Variants in CPQ observed in about 807,000 individuals in gnomAD.
The protein encoded by CPQ is Ser-Met dipeptidase.
Under a neutral mutation model 45.7 loss-of-function variants are expected in CPQ, and 37 were observed. The ratio of observed to expected loss-of-function variants is 0.81; its 90% confidence interval spans 0.62 to 1.07. The LOEUF (loss-of-function observed/expected upper bound fraction) is 1.07. Among genes scored for constraint, CPQ ranks in the 50% least tolerant of loss-of-function variants. The pLI is 0.00. For missense variants in CPQ, 537 were observed against 572.9 expected, an observed-to-expected ratio of 0.94 and a Z score of 0.64; for synonymous variants, 186 against 205.8, an observed-to-expected ratio of 0.90 and a Z score of 0.82.
chr8:96,795,975 T>C (rs192493559), intron 2 of CPQ, among the ~76,000 whole-genome samples: 130 of 152,158 alleles, frequency 8.5e-4, no homozygotes, highest in South Asian at 2.5e-3. Flanking sequence ...ACACAATAGA[T>C]ATGTAAACAT....
chr8:96,953,255 C>G (rs1813297206), intron 4 of CPQ, among the ~76,000 whole-genome samples: 1 of 152,064 alleles, frequency 6.6e-6, no homozygotes, highest in Non-Finnish European at 1.5e-5. Context: ...TATCTCACGG[C>G]CTCCTCAGGG....
At chr8:96,863,752 A>T (rs1193564583) in intron 3 of CPQ, among the ~76,000 whole-genome samples, 1 of 152,032 alleles carries the variant, frequency 6.6e-6, no homozygotes, top group Non-Finnish European at 1.5e-5. Context: ...GGCTCTTCTC[A>T]GGTGAGTAGC....
At chr8:96,680,370 G>T (rs1231601883) in intron 1 of CPQ, 1 of 152,124 alleles carries the variant, frequency 6.6e-6, no homozygotes, top group Non-Finnish European at 1.5e-5. Context: ...ATTGAATCAT[G>T]GGGGCTTGTC....
chr8:96,880,586 T>C (rs1421366384), intron 4 of CPQ, among the ~76,000 whole-genome samples: 1 of 124,958 alleles, frequency 8.0e-6, no homozygotes, highest in Non-Finnish European at 1.6e-5. Flanking sequence ...TACCATGGAA[T>C]ACTACCCAGC....
intron 1 of CPQ, among the ~76,000 whole-genome samples, chr8:96,733,238 A>G (rs1397939948): frequency 6.6e-6 from 1 of 152,216 alleles, no homozygotes; most frequent in Middle Eastern, 3.2e-3. Flanking sequence ...GACTAAATTT[A>G]CTTTCCTTTA....
At chr8:96,770,942 C>T (rs1810535110) in intron 1 of CPQ, among the ~76,000 whole-genome samples, 1 of 148,822 alleles carries the variant, frequency 6.7e-6, no homozygotes, top group Admixed American at 6.7e-5. Context: ...ACCCAAAGAA[C>T]AGTGCTGAAT....
chr8:97,042,358 T>G (rs986768994), intron 6 of CPQ, among the ~76,000 whole-genome samples: 2 of 152,154 alleles, frequency 1.3e-5, no homozygotes, highest in Non-Finnish European at 2.9e-5. Context: ...TTATTGTGTC[T>G]ATTTGATTCT....
intron 1 of CPQ, among the ~76,000 whole-genome samples, chr8:96,738,455 T>C (rs1038650326): frequency 1.3e-5 from 2 of 151,758 alleles, no homozygotes; most frequent in Admixed American, 6.6e-5. Flanking sequence ...TTTTTTTATT[T>C]TTTATTTATT....
At chr8:96,753,859 G>C (rs907883628) in intron 1 of CPQ, among the ~76,000 whole-genome samples, 3 of 151,862 alleles carry the variant, frequency 2.0e-5, no homozygotes, top group African/African-American at 7.2e-5. Flanking sequence ...GCAGCTAAGA[G>C]GTAACTGGCC....
At chr8:96,775,496 A>C (rs374329831) in intron 1 of CPQ, among the ~76,000 whole-genome samples, 1 of 152,176 alleles carries the variant, frequency 6.6e-6, no homozygotes, top group African/African-American at 2.4e-5. Flanking sequence ...TGGTGTTTCC[A>C]GTACCACAGG....
rs191840196 is a variant in CPQ, at chr8:96,679,653, G to C, written c.-35+34251G>C. Among the ~76,000 whole-genome samples the C allele has an allele frequency of 1.1e-4, 17 of 151,982 alleles. No individual in the cohort carries two copies. The East Asian group carries it at 3.3e-3, about 29-fold the overall frequency. The stretch of plus-strand genomic sequence containing the variant: ...CTGGCTCATTCTTTGTAGGTTTTAT[G>C]TGACCAGGAGTTATCCATTTTCTCT... On this transcript the variant is annotated intron_variant, in intron 1 of 7. Transcript: ENST00000220763.
intron 5 of CPQ, among the ~76,000 whole-genome samples, chr8:96,994,325 T>C (rs1440172931): frequency 6.6e-6 from 1 of 151,912 alleles, no homozygotes; most frequent in Non-Finnish European, 1.5e-5. Context: ...ATGCAGAAAA[T>C]CATAAAGCAT....
chr8:96,660,880 A>G (rs566750528), intron 1 of CPQ, among the ~76,000 whole-genome samples: 1 of 152,238 alleles, frequency 6.6e-6, no homozygotes, highest in African/African-American at 2.4e-5. Context: ...TATTCTCTCC[A>G]GAGATAATCC....
chr8:97,044,920 G>T lies in CPQ; in HGVS notation c.1053+15426G>T, dbSNP rs558184166. On this transcript the variant is annotated intron_variant, in intron 6 of 7. Coordinates refer to ENST00000220763, the MANE Select transcript of CPQ (RefSeq NM_016134.4). ...CTGGGGGGTGCCTCCCAGTTAGGCT[G>T]CTGGGGGGTCAGGGGTCAGGGACCC... Among the ~76,000 whole-genome samples the T allele has an allele frequency of 9.2e-5, 14 of 152,272 alleles. No individual in the cohort carries two copies. In the East Asian group the frequency reaches 2.7e-3, roughly 29 times the overall value.
At chr8:96,958,853 G>A (rs922512409) in intron 4 of CPQ, among the ~76,000 whole-genome samples, 4 of 150,680 alleles carry the variant, frequency 2.7e-5, no homozygotes, top group Non-Finnish European at 5.9e-5. Flanking sequence ...TTGAACAGAT[G>A]GCCCATTTTT....
intron 4 of CPQ, among the ~76,000 whole-genome samples, chr8:96,906,096 G>T (rs1395921808): frequency 6.6e-6 from 1 of 152,140 alleles, no homozygotes; most frequent in Non-Finnish European, 1.5e-5. Flanking sequence ...GAGTCACCGG[G>T]TATGGAGGGG....
At chr8:96,781,480 C>T (rs1810684397) in intron 1 of CPQ, among the ~76,000 whole-genome samples, 1 of 152,166 alleles carries the variant, frequency 6.6e-6, no homozygotes. Context: ...TTTGTCCATT[C>T]ACGAGGGCAA....
intron 1 of CPQ, among the ~76,000 whole-genome samples, chr8:96,684,896 G>T (rs1048453378): frequency 6.6e-6 from 1 of 151,708 alleles, no homozygotes; most frequent in Admixed American, 6.6e-5. Flanking sequence ...TCTGGAGTTC[G>T]AGACCAGCCT....
chr8:96,913,498 G>A (rs1247005246), intron 4 of CPQ, among the ~76,000 whole-genome samples: 1 of 152,184 alleles, frequency 6.6e-6, no homozygotes, highest in East Asian at 1.9e-4. Flanking sequence ...GTAGGAAGAG[G>A]AAATTAAATG....
Sources: gnomAD v4.1 joint callset for allele counts (sites outside exome capture counted in the v4.1 genomes callset) on GRCh38, gnomAD v4.1.1 for gene constraint, MANE v1.5 for transcripts, NCBI Gene and HGNC (gene_info 2026-07-23, HGNC 2026-07-21) for gene names.